SSBP3: variants seen among roughly 807,000 people sequenced by gnomAD.
The protein encoded by SSBP3 is single-stranded DNA-binding protein 3.
In SSBP3, 5 loss-of-function variants were observed where a neutral mutation model predicts 69.6. That is an observed-to-expected ratio of 0.07 (90% CI 0.04 to 0.15). The LOEUF is 0.15. Ranked by LOEUF, SSBP3 falls within the 10% of genes least tolerant of loss-of-function variation. The probability of loss-of-function intolerance (pLI) is 1.00; values close to 1 mark genes in which losing one functional copy is unlikely to be tolerated. For synonymous variants in SSBP3, 196 were observed against 193.4 expected (o/e 1.01, Z -0.11); for missense variants, 312 against 534.0 (o/e 0.58, Z 4.10).
intron 4 of SSBP3, among the ~76,000 whole-genome samples, chr1:54,309,332 G>A (rs1569741416): frequency 6.6e-6 from 1 of 152,230 alleles, no homozygotes; most frequent in Non-Finnish European, 1.5e-5. Context: ...GAGAGCTGAT[G>A]ATACTGAGTC....
upstream of SSBP3, among the ~76,000 whole-genome samples, chr1:54,407,618 C>T (rs1473538203): frequency 1.3e-5 from 2 of 152,074 alleles, no homozygotes; most frequent in Non-Finnish European, 2.9e-5. Context: ...GAGCGGATCT[C>T]TTTAAATGTG....
intron 5 of SSBP3, among the ~76,000 whole-genome samples, chr1:54,280,572 C>G (rs1351701878): frequency 6.6e-6 from 1 of 151,654 alleles, no homozygotes; most frequent in African/African-American, 2.4e-5. Context: ...CAGCTGCCGA[C>G]AGGCTTGAAA....
intron 4 of SSBP3, among the ~76,000 whole-genome samples, chr1:54,307,676 T>C (rs1225262039): frequency 6.6e-6 from 1 of 151,994 alleles, no homozygotes; most frequent in African/African-American, 2.4e-5. Flanking sequence ...GCTGATAAAA[T>C]AGGTTGCAGT....
At chr1:54,282,396 T>G (rs999099405) in intron 4 of SSBP3, among the ~76,000 whole-genome samples, 6 of 152,250 alleles carry the variant, frequency 3.9e-5, no homozygotes, top group Non-Finnish European at 8.8e-5. Flanking sequence ...GAGCGTGTTC[T>G]TGGCCCTGCA....
chr1:54,283,602 A>G (rs79318839), intron 4 of SSBP3, among the ~76,000 whole-genome samples: 456 of 152,352 alleles, frequency 3.0e-3, no homozygotes, highest in African/African-American at 0.01. Flanking sequence ...ACAAAGAAAT[A>G]CAGGGAATAC....
chr1:54,313,643 T>C (rs954311179), intron 4 of SSBP3, among the ~76,000 whole-genome samples: 6 of 152,170 alleles, frequency 3.9e-5, no homozygotes, highest in African/African-American at 1.2e-4. Context: ...GGAGTGTTCC[T>C]GCCCTGCAGC....
intron 4 of SSBP3, among the ~76,000 whole-genome samples, chr1:54,321,450 C>T (rs781165777): frequency 2.0e-5 from 3 of 152,186 alleles, no homozygotes; most frequent in Non-Finnish European, 4.4e-5. Flanking sequence ...TTTACCACAC[C>T]CTGCTACCAT....
chr1:54,337,485 C>CCTTTTTTTTT (rs1646528982), intron 4 of SSBP3, among the ~76,000 whole-genome samples: 1 of 51,134 alleles, frequency 2.0e-5, no homozygotes, highest in African/African-American at 9.8e-5. Flanking sequence ...TTTCCTCAAG[C>CCTTTTTTTTT]TTTTTTTTTT....
At chr1:54,282,991 G>A (rs1324166062) in intron 4 of SSBP3, among the ~76,000 whole-genome samples, 1 of 152,176 alleles carries the variant, frequency 6.6e-6, no homozygotes, top group Non-Finnish European at 1.5e-5. Context: ...CAGAGGCTGG[G>A]CGTGGTGGCT....
At chr1:54,245,711 GCAAA>G (rs1464891947) in intron 9 of SSBP3, among the ~76,000 whole-genome samples, 2 of 152,240 alleles carry the variant, frequency 1.3e-5, no homozygotes, top group Non-Finnish European at 2.9e-5. Flanking sequence ...TGGGCTTCAA[GCAAA>G]CAGTGGCAGC....
chr1:54,379,749 C>G lies in SSBP3; in HGVS notation c.276+22112G>C, dbSNP rs893764400. ...TCCCTACTGCCACCCACTCCTTGCC[C>G]GAGCCAAAGTCCTGCTTTCTCTGGA... On this transcript the variant is annotated intron_variant, in intron 4 of 17. Coordinates refer to ENST00000610401, the Ensembl canonical transcript of SSBP3. 8.5e-5 allele frequency among the ~76,000 whole-genome samples: 13 copies of G among 152,296 alleles called. No individual in the cohort carries two copies. In the East Asian group the frequency reaches 2.3e-3, roughly 27 times the overall value.
intron 4 of SSBP3, among the ~76,000 whole-genome samples, chr1:54,392,567 T>G (rs182523591): frequency 1.1e-4 from 16 of 152,372 alleles, no homozygotes; most frequent in Admixed American, 2.0e-4. Flanking sequence ...GGTTTCATGA[T>G]GTATTAATGG....
At position 54,377,039 on chromosome 1, in the gene SSBP3, C is replaced by CT. The variant is rs1438483896; in HGVS notation, c.276+24821dup. 3.3e-5 allele frequency among the ~76,000 whole-genome samples: 5 copies of CT among 152,316 alleles called. No individual in the cohort carries two copies. In the East Asian group the frequency reaches 9.6e-4, roughly 29 times the overall value. Reference sequence around the variant, plus strand: ...CAGAATGAGAGAGAGGTAAGGCCCTCTCTCACCTCCAGGACACACAGTCCT... The same window carrying CT: ...CAGAATGAGAGAGAGGTAAGGCCCTCTTCTCACCTCCAGGACACACAGTCCT... On this transcript the variant is annotated intron_variant, in intron 4 of 17. Coordinates refer to ENST00000610401, the Ensembl canonical transcript of SSBP3.
intron 4 of SSBP3, among the ~76,000 whole-genome samples, chr1:54,309,105 G>A (rs910697921): frequency 2.0e-5 from 3 of 152,150 alleles, no homozygotes; most frequent in Non-Finnish European, 2.9e-5. Flanking sequence ...CATCCCATGC[G>A]GACAAGCAAA....
At chr1:54,289,044 A>AAAAAC (rs1405004500) in intron 4 of SSBP3, among the ~76,000 whole-genome samples, 1 of 51,266 alleles carries the variant, frequency 2.0e-5, no homozygotes, top group East Asian at 2.2e-4. Context: ...AAACAAAAAA[A>AAAAAC]CAAAAAAAAA....
intron 4 of SSBP3, among the ~76,000 whole-genome samples, chr1:54,311,127 G>C (rs766454371): frequency 1.3e-5 from 2 of 152,200 alleles, no homozygotes; most frequent in African/African-American, 2.4e-5. Flanking sequence ...GGAAAACAAG[G>C]TGGGGGACAC....
chr1:54,308,329 C>T (rs1002900575), intron 4 of SSBP3, among the ~76,000 whole-genome samples: 4 of 151,858 alleles, frequency 2.6e-5, no homozygotes, highest in East Asian at 1.9e-4. Flanking sequence ...TGGCCGGGCA[C>T]GGTGGCTCAT....
At chr1:54,229,723 G>A (rs1416215136) in intron 14 of SSBP3, among the ~76,000 whole-genome samples, 1 of 152,224 alleles carries the variant, frequency 6.6e-6, no homozygotes, top group Non-Finnish European at 1.5e-5. Context: ...AAGGCCCTGT[G>A]ATGCAGACTG....
At chr1:54,275,191 A>C (rs1009686200) in intron 5 of SSBP3, among the ~76,000 whole-genome samples, 5 of 152,186 alleles carry the variant, frequency 3.3e-5, no homozygotes, top group African/African-American at 1.2e-4. Flanking sequence ...CGAGGGGCTA[A>C]GGGACGACCA....
Sources: gnomAD v4.1 joint callset for allele counts (sites outside exome capture counted in the v4.1 genomes callset) on GRCh38, gnomAD v4.1.1 for gene constraint, MANE v1.5 for transcripts, NCBI Gene and HGNC (gene_info 2026-07-23, HGNC 2026-07-21) for gene names.